The following DZIP1L variants were observed in gnomAD, a reference collection of about 807,000 sequenced individuals.
The protein encoded by DZIP1L is cilium assembly protein DZIP1L.
DZIP1L carries 90 observed loss-of-function variants against 88.7 expected under a neutral mutation model. That is an observed-to-expected ratio of 1.02 (90% CI 0.86 to 1.21). The LOEUF is 1.21. Among genes scored for constraint, DZIP1L ranks in the 50% most tolerant of loss-of-function variants. DZIP1L has a pLI of 0.00. For missense variants in DZIP1L, 932 were observed against 955.8 expected, an observed-to-expected ratio of 0.98 and a Z score of 0.33; for synonymous variants, 363 against 372.1, an observed-to-expected ratio of 0.98 and a Z score of 0.28.
chr3:138,090,533 A>G (rs1310642494), intron 5 of DZIP1L, among the ~76,000 whole-genome samples: 1 of 152,108 alleles, frequency 6.6e-6, no homozygotes, highest in African/African-American at 2.4e-5. Flanking sequence ...AGCATTTTGG[A>G]TGGAAGCGCT....
chr3:138,070,018 A>G (rs755744835), intron 12 of DZIP1L, among the ~76,000 whole-genome samples: 4 of 152,178 alleles, frequency 2.6e-5, no homozygotes, highest in Non-Finnish European at 4.4e-5. Context: ...CTTTTTTACT[A>G]CAGGAACAAA....
intron 2 of DZIP1L, chr3:138,102,571 T>A (rs1212951947): frequency 1.9e-5 from 27 of 1,440,008 alleles, no homozygotes; most frequent in Admixed American, 8.4e-5. Flanking sequence ...CAGCATCTTG[T>A]TCTGCTGCTC....
In DZIP1L at chr3:138,104,061, T is replaced by G; in HGVS notation, c.-81-9A>C. ...AGGAGCTGAGAGAAGGCCTGGAAAATAAGAAGAGAGTCCAAGTTAGGTGAG... is the reference window on the plus strand; with the variant it reads ...AGGAGCTGAGAGAAGGCCTGGAAAAGAAGAAGAGAGTCCAAGTTAGGTGAG... On this transcript the variant is annotated splice_polypyrimidine_tract_variant and intron_variant, in intron 1 of 15. Coordinates refer to ENST00000327532, the MANE Select transcript of DZIP1L (RefSeq NM_173543.3). 28 of 1,512,786 alleles carry G rather than the reference T, an allele frequency of 1.9e-5. No individual in the cohort carries two copies. The highest frequency in any genetic ancestry group is 2.4e-5 in the Non-Finnish European group (28 of 1,142,990). 93.7% of individuals were successfully genotyped at this position (1,512,786 alleles called of 1,614,324 possible).
chr3:138,068,943 G>A, intron 12 of DZIP1L: 1 of 1,254,136 alleles, frequency 8.0e-7, no homozygotes, highest in East Asian at 3.1e-5. Context: ...GGGAAGAGAA[G>A]AGAGAGAGTG....
chr3:138,064,283 GCC>G (rs1559818334), intron 15 of DZIP1L: 3 of 1,032,708 alleles, frequency 2.9e-6, no homozygotes. Context: ...CTGGGGAGGA[GCC>G]CACTGTGGGA....
intron 1 of DZIP1L, 86 bp from the exon 2 acceptor site, chr3:138,104,138 G>A: frequency 1.6e-6 from 2 of 1,257,148 alleles, no homozygotes; most frequent in African/African-American, 3.0e-5. Flanking sequence ...CCTAAGCGGG[G>A]CAAAGTGAGG....
intron 5 of DZIP1L, chr3:138,089,083 T>C: frequency 3.0e-6 from 3 of 985,454 alleles, no homozygotes; most frequent in Middle Eastern, 1.0e-3. Flanking sequence ...TCTTATAATA[T>C]ATGACTGTCG....
chr3:138,105,857 T>C (rs1180942942), intron 1 of DZIP1L, among the ~76,000 whole-genome samples: 1 of 152,162 alleles, frequency 6.6e-6, no homozygotes, highest in Non-Finnish European at 1.5e-5. Flanking sequence ...TTCATAAGCA[T>C]AGACTGTTTC....
At chr3:138,101,989 T>C in intron 2 of DZIP1L, 1 of 1,535,800 alleles carries the variant, frequency 6.5e-7, no homozygotes, top group Non-Finnish European at 9.0e-7. Context: ...TTCTGGTTCA[T>C]CTCAGAGATC....
At chr3:138,079,643 C>G (rs887936738) in intron 10 of DZIP1L, among the ~76,000 whole-genome samples, 2 of 152,218 alleles carry the variant, frequency 1.3e-5, no homozygotes, top group Non-Finnish European at 2.9e-5. Flanking sequence ...AACAGTGAAA[C>G]TTCTGGAGAG....
chr3:138,068,143 G>C lies in DZIP1L; in HGVS notation c.1832+8C>G. ...AGGTGGGGTGAGAGGGCAGAGTCTG[G>C]GGCTCACCTCATCCCGGGCCCCGAG... On this transcript the variant is annotated splice_region_variant and intron_variant, in intron 13 of 15. Coordinates refer to ENST00000327532, the MANE Select transcript of DZIP1L (RefSeq NM_173543.3). The C allele has an allele frequency of 6.7e-7, 1 of 1,496,250 alleles. No individual in the cohort carries two copies. The highest frequency in any genetic ancestry group is 8.9e-7 in the Non-Finnish European group (1 of 1,120,146). The allele number at this position is 1,496,250 out of a possible 1,614,324, so 92.7% of individuals were successfully genotyped here. A position where few individuals can be genotyped will look rare whatever the true frequency, so the allele number is the denominator to read the frequency against.
intron 4 of DZIP1L, among the ~76,000 whole-genome samples, chr3:138,094,603 C>T (rs1396972156): frequency 1.3e-5 from 2 of 152,242 alleles, no homozygotes; most frequent in Non-Finnish European, 2.9e-5. Context: ...GTTCAAATGC[C>T]CTCAGAGGGT....
chr3:138,113,909 T>G (rs1044481245), intron 1 of DZIP1L, among the ~76,000 whole-genome samples: 9 of 152,202 alleles, frequency 5.9e-5, no homozygotes, highest in African/African-American at 2.2e-4. Context: ...ACAAACGGAT[T>G]TTATTTAAAA....
chr3:138,105,705 C>G (rs181438587), intron 1 of DZIP1L, among the ~76,000 whole-genome samples: 2 of 151,710 alleles, frequency 1.3e-5, no homozygotes, highest in African/African-American at 4.8e-5. Flanking sequence ...GGATGCAGAT[C>G]CACAGATATG....
chr3:138,097,658 T>C (rs568560545), intron 3 of DZIP1L, 105 bp downstream of exon 3: 34 of 1,033,504 alleles, frequency 3.3e-5, no homozygotes, highest in Non-Finnish European at 2.9e-6. Flanking sequence ...GACAGTGAGG[T>C]TCTGAGAGCA....
At chr3:138,081,644 C>T in intron 9 of DZIP1L, 90 bp downstream of exon 9, 1 of 1,357,862 alleles carries the variant, frequency 7.4e-7, no homozygotes. Flanking sequence ...ATCCACCACC[C>T]ATGAATTGAC....
At chr3:138,090,660 A>C (rs1031667595) in intron 5 of DZIP1L, among the ~76,000 whole-genome samples, 3 of 151,766 alleles carry the variant, frequency 2.0e-5, no homozygotes, top group Admixed American at 2.0e-4. Flanking sequence ...AGCACCCAAG[A>C]CTCCAGGCAT....
chr3:138,071,612 C>T (rs748836667), intron 12 of DZIP1L, 31 bp downstream of exon 12: 2 of 1,593,808 alleles, frequency 1.3e-6, no homozygotes, highest in East Asian at 2.2e-5. Context: ...TTACAGGTCA[C>T]AGCCCTGAGC....
chr3:138,103,202 C>T (rs996578483), intron 2 of DZIP1L, among the ~76,000 whole-genome samples: 1 of 152,020 alleles, frequency 6.6e-6, no homozygotes, highest in East Asian at 1.9e-4. Context: ...CATATACATA[C>T]ACTAGACATG....
Sources: allele counts gnomAD v4.1 joint callset (sites outside exome capture counted in the v4.1 genomes callset), GRCh38; gene constraint gnomAD v4.1.1; transcripts MANE v1.5; gene names NCBI Gene and HGNC (gene_info 2026-07-23, HGNC 2026-07-21).